TTC7A: variants seen among roughly 807,000 people sequenced by gnomAD.
TTC7A encodes the protein tetratricopeptide repeat protein 7A.
A neutral mutation model predicts 103.7 loss-of-function variants in TTC7A; 110 were observed. The observed-to-expected ratio is 1.06, with a 90% CI of 0.91 to 1.24. The LOEUF is 1.24. Ranked by LOEUF, TTC7A falls within the 50% of genes most tolerant of loss-of-function variation. TTC7A has a pLI of 0.00. For synonymous variants in TTC7A, 521 were observed against 467.9 expected (o/e 1.11, Z -1.47); for missense variants, 1,340 against 1,116.3 (o/e 1.20, Z -2.86).
intron 17 of TTC7A, chr2:47,050,396 A>C: frequency 4.0e-6 from 1 of 251,164 alleles, no homozygotes; most frequent in Non-Finnish European, 7.9e-6. Context: ...GTCAAATAGA[A>C]AGGAATGGAC....
intron 2 of TTC7A, among the ~76,000 whole-genome samples, chr2:46,918,035 G>A (rs1668905919): frequency 6.6e-6 from 1 of 152,146 alleles, no homozygotes; most frequent in African/African-American, 2.4e-5. Context: ...ATAAATAGAT[G>A]ACTCCAAAAT....
At chr2:47,025,865 G>A (rs184665649) in intron 14 of TTC7A, among the ~76,000 whole-genome samples, 47 of 152,186 alleles carry the variant, frequency 3.1e-4, no homozygotes, top group South Asian at 8.3e-4. Flanking sequence ...GGGCACCTCT[G>A]TGCCCCTCCA....
At chr2:46,949,262 A>C (rs866969112) in intron 1 of TTC7A, among the ~76,000 whole-genome samples, 6 of 152,048 alleles carry the variant, frequency 3.9e-5, no homozygotes, top group Admixed American at 1.3e-4. Flanking sequence ...TTGAGACAGA[A>C]TCTCACTTTG....
intron 3 of TTC7A, chr2:46,974,738 G>A (rs1312489009): frequency 1.6e-6 from 1 of 607,356 alleles, no homozygotes; most frequent in Middle Eastern, 2.9e-4. Context: ...TCCCCGGGTA[G>A]TTGGGCTGGG....
chr2:47,029,172 C>T (rs1350772042), intron 14 of TTC7A, 52 bp from the exon 15 acceptor site: 3 of 1,602,564 alleles, frequency 1.9e-6, no homozygotes, highest in Non-Finnish European at 2.6e-6. Flanking sequence ...GCTCCTGAGT[C>T]CCAGGGCAGC....
intron 19 of TTC7A, among the ~76,000 whole-genome samples, chr2:47,066,783 T>C (rs1684215375): frequency 6.6e-6 from 1 of 152,244 alleles, no homozygotes; most frequent in Non-Finnish European, 1.5e-5. Context: ...CTTGAACTCC[T>C]GGGCTCAAGG....
Position 47,061,173 on chromosome 2 carries a change from C to G in TTC7A, c.2355+202C>G, listed in dbSNP as rs919879. 0.058 allele frequency among the ~76,000 whole-genome samples: 8,802 copies of G among 152,210 alleles called. 846 individuals are homozygous for G. The highest frequency in any genetic ancestry group is 0.2 in the African/African-American group (8,307 of 41,472). On this transcript the variant is annotated intron_variant, in intron 19 of 19. Coordinates refer to ENST00000319190, the MANE Select transcript of TTC7A (RefSeq NM_020458.4). ...GATACTTAGCCTTCTCTTGTAGACA[C>G]AGGCCATTTCCCTTCAATCAGGGTC...
At chr2:47,065,127 A>C (rs950834852) in intron 19 of TTC7A, among the ~76,000 whole-genome samples, 2 of 152,110 alleles carry the variant, frequency 1.3e-5, no homozygotes, top group Admixed American at 1.3e-4. Context: ...CTCTACTAAA[A>C]ATACAAAAAA....
rs191018929 is a variant in TTC7A, at chr2:47,032,966, A to G, written c.1802+3582A>G. The stretch of plus-strand genomic sequence containing the variant: ...GGCTGAGAAGTCCATGTACCGCCAG[A>G]CTATGGTGAGTGACCATAGGGTATG... On this transcript the variant is annotated intron_variant, in intron 15 of 19. Transcript: ENST00000319190. Among the ~76,000 whole-genome samples the G allele has an allele frequency of 8.5e-5, 13 of 152,084 alleles. No individual in the cohort carries two copies. In the East Asian group the frequency reaches 2.5e-3, roughly 29 times the overall value.
In TTC7A at chr2:47,054,146, G is replaced by A. The variant is rs568187518; in HGVS notation, c.2152+2266G>A. On this transcript the variant is annotated intron_variant, in intron 18 of 19. Coordinates refer to ENST00000319190, the MANE Select transcript of TTC7A (RefSeq NM_020458.4). ...AGCATCTGAATGCTTTGAATGTGGC[G>A]CTGCATCAGGGTCAGGCAGTGTAGT... is the stretch of plus-strand genomic sequence containing the variant. 4.3e-5 allele frequency: 42 copies of A among 985,388 alleles called. No homozygotes were observed. The South Asian group carries it at 8.5e-4, about 20-fold the overall frequency. 61.0% of individuals were successfully genotyped at this position (985,388 alleles called of 1,614,324 possible).
intron 5 of TTC7A, among the ~76,000 whole-genome samples, chr2:46,992,362 A>G (rs1675720313): frequency 6.6e-6 from 1 of 152,216 alleles, no homozygotes; most frequent in Non-Finnish European, 1.5e-5. Context: ...ATTAACAGGC[A>G]GGGCAGCATG....
intron 5 of TTC7A, among the ~76,000 whole-genome samples, chr2:46,980,115 T>C (rs544842417): frequency 3.3e-4 from 50 of 152,336 alleles, no homozygotes; most frequent in African/African-American, 1.1e-3. Flanking sequence ...ACTTTATGCA[T>C]TCTTTTCATT....
At chr2:47,038,829 T>A (rs1681439304) in intron 15 of TTC7A, among the ~76,000 whole-genome samples, 9 of 151,924 alleles carry the variant, frequency 5.9e-5, no homozygotes. Flanking sequence ...ATACCCACAG[T>A]GTTCCAGGCC....
At chr2:46,918,293 TA>T (rs1036541579) in intron 2 of TTC7A, among the ~76,000 whole-genome samples, 3 of 152,268 alleles carry the variant, frequency 2.0e-5, no homozygotes, top group Admixed American at 2.0e-4. Context: ...CCTTTACCTT[TA>T]AATCCTTCAG....
chr2:47,043,931 A>C (rs1366975094), intron 15 of TTC7A, among the ~76,000 whole-genome samples: 2 of 152,192 alleles, frequency 1.3e-5, no homozygotes, highest in Non-Finnish European at 2.9e-5. Flanking sequence ...TCCGGCCCTC[A>C]AAGATGAAGA....
At position 46,966,140 on chromosome 2, in the gene TTC7A, G is replaced by A. The variant is rs778235668; in HGVS notation, c.518-8833G>A. On this transcript the variant is annotated intron_variant, in intron 3 of 19. Transcript: ENST00000319190. ...AATTTTGTATTTTTAGTAGAGATGG[G>A]GTTTCTCCATGTTAGTCAGGCTGGT... Among the ~76,000 whole-genome samples the A allele has an allele frequency of 1.3e-3, 191 of 152,200 alleles. 1 individual carries two copies. The highest frequency in any genetic ancestry group is 7.7e-4 in the East Asian group (4 of 5,176).
At chr2:46,949,276 C>A (rs760497936) in intron 1 of TTC7A, among the ~76,000 whole-genome samples, 1 of 152,184 alleles carries the variant, frequency 6.6e-6, no homozygotes, top group Non-Finnish European at 1.5e-5. Context: ...CACTTTGTTG[C>A]CCAGGCTGGA....
chr2:47,032,568 C>G (rs1258222908), intron 15 of TTC7A, among the ~76,000 whole-genome samples: 1 of 152,132 alleles, frequency 6.6e-6, no homozygotes, highest in Non-Finnish European at 1.5e-5. Context: ...GGAGGTTATT[C>G]TGCAACCTGT....
intron 8 of TTC7A, among the ~76,000 whole-genome samples, chr2:47,000,384 G>A (rs901668578): frequency 1.3e-5 from 2 of 152,190 alleles, no homozygotes; most frequent in African/African-American, 2.4e-5. Flanking sequence ...AGGCTGAAGC[G>A]GTGAAGGGTC....
Sources: gnomAD v4.1 joint callset for allele counts (sites outside exome capture counted in the v4.1 genomes callset) on GRCh38, gnomAD v4.1.1 for gene constraint, MANE v1.5 for transcripts, NCBI Gene and HGNC (gene_info 2026-07-23, HGNC 2026-07-21) for gene names.